The following KCND1 variants were observed in gnomAD, a reference collection of about 807,000 sequenced individuals.
KCND1 encodes the protein potassium voltage-gated channel subfamily D member 1.
Under a neutral mutation model 31.8 loss-of-function variants are expected in KCND1, and 11 were observed. That is an observed-to-expected ratio of 0.35 (90% CI 0.22 to 0.57). The LOEUF (loss-of-function observed/expected upper bound fraction) is 0.57. Ranked by LOEUF, KCND1 falls within the 20% of genes least tolerant of loss-of-function variation. The pLI is 0.85. For synonymous variants in KCND1, 234 were observed against 248.1 expected (o/e 0.94, Z 0.53); for missense variants, 471 against 596.8 (o/e 0.79, Z 2.20).
intron 1 of KCND1, chrX:48,967,760 A>G (rs1222525098): frequency 1.8e-5 from 2 of 112,031 alleles, no homozygotes; most frequent in Non-Finnish European, 3.8e-5. Context: ...ACTCCTCCAG[A>G]GAAACACAGC....
rs782383164 is a variant in KCND1 at position 48,966,136 on chromosome X, T to C, written c.1637A>G (p.Asn546Ser). The C allele has an allele frequency of 4.1e-6, 5 of 1,209,391 alleles. No homozygotes were observed. The highest frequency in any genetic ancestry group is 2.7e-4 in the Middle Eastern group (1 of 3,673). The change falls in exon 5 of 6, where the codon AAC (asparagine) becomes AGC (serine). Residue 546 changes from asparagine (N) to serine (S), a missense_variant. By Grantham distance (46) the Asn-to-Ser change is conservative. Coordinates refer to ENST00000218176, the MANE Select transcript of KCND1 (RefSeq NM_004979.6). Reference protein sequence around the residue: ...RAKRRAIRLANSTASVSRGSM... With the variant: ...RAKRRAIRLASSTASVSRGSM... ...GCCACGGCTGACTGAGGCAGTGGAGTTGGCAAGGCGGATGGCGCGGCGCTT... is the reference window on the plus strand; with the variant it reads ...GCCACGGCTGACTGAGGCAGTGGAGCTGGCAAGGCGGATGGCGCGGCGCTT...
Position 48,971,081 on chromosome X carries a change from G to C in KCND1, c.-810C>G, listed in dbSNP as rs1235662220. On this transcript the variant is annotated 5_prime_UTR_variant, in exon 1 of 6. Coordinates refer to ENST00000218176, the MANE Select transcript of KCND1 (RefSeq NM_004979.6). Reference sequence around the variant, plus strand: ...TCCTAGTAGGGCTGGAGAGGGGAAGGGGTTATCTAAAGGGGTAGACAGGGG... The same window carrying C: ...TCCTAGTAGGGCTGGAGAGGGGAAGCGGTTATCTAAAGGGGTAGACAGGGG... 9 of 109,156 alleles carry C rather than the reference G, an allele frequency of 8.2e-5. No homozygotes were observed. Among genetic ancestry groups the C allele is most frequent in the African/African-American group, 2.0e-4 (6 of 29,822 alleles). The allele number at this position is 109,156 out of a possible 1,213,427, so 9.0% of individuals were successfully genotyped here.
chrX:48,967,327 C>G lies in KCND1; in HGVS notation c.1122-221G>C, dbSNP rs781957755. ...CTGCTGCCCCTGTCCAAGCTACATA[C>G]CAAGCACCTGAGTCAGCTAGAAATC... is the stretch of plus-strand genomic sequence containing the variant. On this transcript the variant is annotated intron_variant, in intron 1 of 5. Coordinates refer to ENST00000218176, the MANE Select transcript of KCND1 (RefSeq NM_004979.6). The G allele has an allele frequency of 1.1e-4, 44 of 394,517 alleles. 1 individual carries two copies. Among genetic ancestry groups the G allele is most frequent in the Non-Finnish European group, 1.9e-4 (42 of 227,007 alleles). The allele number at this position is 394,517 out of a possible 1,213,427, so 32.5% of individuals were successfully genotyped here.
intron 5 of KCND1, among the ~76,000 whole-genome samples, chrX:48,965,459 C>T (rs1404400521): frequency 1.8e-5 from 2 of 112,060 alleles, no homozygotes; most frequent in African/African-American, 6.5e-5. Flanking sequence ...TCTTATCCCA[C>T]TAGAATAGAA....
chrX:48,962,222 A>G lies in KCND1; in HGVS notation c.*359T>C, dbSNP rs150445411. 9.9e-4 allele frequency: 178 copies of G among 179,636 alleles called. 5 individuals carry two copies. In the East Asian group the frequency reaches 0.017, roughly 17 times the overall value. The allele number at this position is 179,636 out of a possible 1,213,427, so 14.8% of individuals were successfully genotyped here. On this transcript the variant is annotated 3_prime_UTR_variant, in exon 6 of 6. Coordinates refer to ENST00000218176, the MANE Select transcript of KCND1 (RefSeq NM_004979.6). ...AAATCTCAACTCTCCTTCTTAGGCT[A>G]GAGCTCAGATGTCGGATCAAAGCTT...
rs955306182 is a variant in KCND1, at chrX:48,962,346, T to C, written c.*235A>G. On this transcript the variant is annotated 3_prime_UTR_variant, in exon 6 of 6. Transcript: ENST00000218176. ...CTAGGGCAAGGAGGCCAGGGGCCTGTGGAAGCCCAGTGCTTCAGCTCCCAC... is the reference window on the plus strand; with the variant it reads ...CTAGGGCAAGGAGGCCAGGGGCCTGCGGAAGCCCAGTGCTTCAGCTCCCAC... The C allele has an allele frequency of 7.3e-5, 29 of 398,906 alleles. No individual in the cohort carries two copies. The highest frequency in any genetic ancestry group is 1.2e-4 in the Non-Finnish European group (27 of 227,843). The allele number at this position is 398,906 out of a possible 1,213,427, so 32.9% of individuals were successfully genotyped here.
At position 48,961,522 on chromosome X, in the gene KCND1, G is replaced by T. The variant is rs1178115129; in HGVS notation, c.*1059C>A. On this transcript the variant is annotated 3_prime_UTR_variant, in exon 6 of 6. Coordinates refer to ENST00000218176, the MANE Select transcript of KCND1 (RefSeq NM_004979.6). Reference sequence around the variant, plus strand: ...AGCAGAGTTTTGGAAGGTCACCCAAGAGGGAGAAGAAAGGAATATGTGAAA... The same window carrying T: ...AGCAGAGTTTTGGAAGGTCACCCAATAGGGAGAAGAAAGGAATATGTGAAA... The T allele has an allele frequency of 2.7e-5, 3 of 112,846 alleles. No homozygotes were observed. The highest frequency in any genetic ancestry group is 5.6e-5 in the Non-Finnish European group (3 of 53,374). The allele number at this position is 112,846 out of a possible 1,213,427, so 9.3% of individuals were successfully genotyped here.
rs782009170 is a variant in KCND1, at chrX:48,966,098, G to A, written c.1675C>T (p.Leu559=). The change falls in exon 5 of 6, where the codon CTG becomes TTG. Residue 559 remains leucine (L), a synonymous_variant. Transcript: ENST00000218176. ...ASVSRGSMQE[L]DMLAGLRRSH... ...CTGCGCAGCCCTGCCAGCATGTCCA[G>A]CTCCTGCATGCTGCCACGGCTGACT... 1.4e-5 allele frequency: 17 copies of A among 1,209,409 alleles called. No homozygotes were observed. The South Asian group carries it at 2.5e-4, about 18-fold the overall frequency.
In KCND1 at chrX:48,962,673, C is replaced by T. The variant is rs781937587; in HGVS notation, c.1852G>A (p.Gly618Ser). The T allele has an allele frequency of 8.3e-7, 1 of 1,210,140 alleles. No individual in the cohort carries two copies. Among genetic ancestry groups the T allele is most frequent in the South Asian group, 1.8e-5 (1 of 56,760 alleles). Residue 618 changes from glycine (G) to serine (S), a missense_variant, in exon 6 of 6, where the codon GGC becomes AGC. Coordinates refer to ENST00000218176, the MANE Select transcript of KCND1 (RefSeq NM_004979.6). ...GTGCTGCCGGCCCTGCCACCGCCGCCAGGGGAGGAAGGTTGGCTCTCATCT... is the reference window on the plus strand; with the variant it reads ...GTGCTGCCGGCCCTGCCACCGCCGCTAGGGGAGGAAGGTTGGCTCTCATCT... ...TPDESQPSSP[G>S]GGGRAGSTLR...
Position 48,970,578 on chromosome X carries a change from G to T in KCND1, c.-307C>A. 1 of 263,799 alleles carries T rather than the reference G, an allele frequency of 3.8e-6. No individual in the cohort carries two copies. The highest frequency in any genetic ancestry group is 2.9e-5 in the African/African-American group (1 of 34,669). The allele number at this position is 263,799 out of a possible 1,213,427, so 21.7% of individuals were successfully genotyped here. A position where few individuals can be genotyped will look rare whatever the true frequency, so the allele number is the denominator to read the frequency against. On this transcript the variant is annotated 5_prime_UTR_variant, in exon 1 of 6. Transcript: ENST00000218176. ...CAAGAAGGAGCTGAGGGAGGGTTTA[G>T]AGAGACTGAGATGATTCTAAAGGAG...
intron 1 of KCND1, 99 bp from the exon 2 acceptor site, chrX:48,967,205 G>A (rs2064359282): frequency 2.7e-6 from 2 of 730,642 alleles, no homozygotes; most frequent in African/African-American, 4.3e-5. Flanking sequence ...CTGTGACCCT[G>A]GCCAGGCACT....
Position 48,962,608 on chromosome X carries a change from G to C in KCND1, c.1917C>G (p.Pro639=). 1.7e-6 allele frequency: 2 copies of C among 1,205,550 alleles called. No individual in the cohort carries two copies. The highest frequency in any genetic ancestry group is 2.2e-6 in the Non-Finnish European group (2 of 892,408). ...NSSLGTPCLF[P]ETVKISSL ...ACAGGGATGAGATCTTGACAGTCTC[G>C]GGGAAGAGGCAAGGGGTACCCAGGC... Residue 639 remains proline (P), a synonymous_variant, in exon 6 of 6, where the codon CCC becomes CCG. Coordinates refer to ENST00000218176, the MANE Select transcript of KCND1 (RefSeq NM_004979.6).
In KCND1 at chrX:48,971,236, C is replaced by T. The variant is rs1557058908; in HGVS notation, c.-965G>A. ...AAGGGGCCTGGGGAATTCCAAGGGC[C>T]GGGACTCAAATGTTAGGAAGTTGGG... On this transcript the variant is annotated 5_prime_UTR_variant, in exon 1 of 6. Transcript: ENST00000218176. 9.2e-6 allele frequency: 1 copy of T among 109,091 alleles called. No individual in the cohort carries two copies. The highest frequency in any genetic ancestry group is 3.4e-5 in the African/African-American group (1 of 29,786). The allele number at this position is 109,091 out of a possible 1,213,427, so 9.0% of individuals were successfully genotyped here.
chrX:48,968,412 C>T (rs2064365355), intron 1 of KCND1: 1 of 111,612 alleles, frequency 9.0e-6, no homozygotes, highest in Non-Finnish European at 1.9e-5. Flanking sequence ...GAAGTAGTGC[C>T]CCACACAGCA....
At chrX:48,965,227 T>C (rs1213653036) in intron 5 of KCND1, among the ~76,000 whole-genome samples, 1 of 108,832 alleles carries the variant, frequency 9.2e-6, no homozygotes. Context: ...TAGTTTTTTA[T>C]ATTTTTAATA....
chrX:48,967,927 G>A (rs1001350211), intron 1 of KCND1: 2 of 111,745 alleles, frequency 1.8e-5, no homozygotes, highest in Admixed American at 1.9e-4. Context: ...ATCTCAGAGC[G>A]TGTCCTCAAC....
chrX:48,965,873 C>CA (rs782299779), intron 5 of KCND1, among the ~76,000 whole-genome samples, 182 bp downstream of exon 5: 161 of 54,091 alleles, frequency 3.0e-3, no homozygotes, highest in African/African-American at 4.9e-3. Context: ...GACTCCGTCT[C>CA]AAAAAAAAAA....
intron 5 of KCND1, among the ~76,000 whole-genome samples, chrX:48,965,109 A>G (rs1384348140): frequency 9.7e-6 from 1 of 103,066 alleles, no homozygotes; most frequent in East Asian, 3.2e-4. Context: ...CTGGAGTGCA[A>G]TGATGTGATC....
chrX:48,965,936 G>T, intron 5 of KCND1, 119 bp downstream of exon 5: 1 of 761,103 alleles, frequency 1.3e-6, no homozygotes, highest in Non-Finnish European at 1.9e-6. Flanking sequence ...CAAGCTTCCA[G>T]CATGGAGGGG....
Sources: gnomAD v4.1 joint callset for allele counts (sites outside exome capture counted in the v4.1 genomes callset) on GRCh38, gnomAD v4.1.1 for gene constraint, MANE v1.5 for transcripts, NCBI Gene and HGNC (gene_info 2026-07-23, HGNC 2026-07-21) for gene names.